CYP2S1: variants seen among roughly 807,000 people sequenced by gnomAD.
CYP2S1 encodes cytochrome P450 family 2 subfamily S member 1.
CYP2S1 carries 32 observed loss-of-function variants against 43.5 expected under a neutral mutation model. The observed-to-expected ratio is 0.74, with a 90% CI of 0.56 to 0.99. The LOEUF (loss-of-function observed/expected upper bound fraction) is 0.99. CYP2S1 is among the 50% of genes least tolerant of loss of function. The probability of loss-of-function intolerance (pLI) is 0.00; values close to 1 mark genes in which losing one functional copy is unlikely to be tolerated. For missense variants in CYP2S1, 575 were observed against 673.9 expected (o/e 0.85, Z 1.62); for synonymous variants, 283 against 302.9 (o/e 0.93, Z 0.68).
In CYP2S1 at chr19:41,203,432, CCCT is replaced by C. The variant is rs754785713; in HGVS notation, c.977-13_977-11del. ...GGGCCCTACCCCCGTCTGACTCCTG[CCCT>C]CCTCTTGCTTGCAGAGTGGGTACGT... On this transcript the variant is annotated splice_polypyrimidine_tract_variant and intron_variant, in intron 6 of 8. Coordinates refer to ENST00000310054, the MANE Select transcript of CYP2S1 (RefSeq NM_030622.8). 9.5e-6 allele frequency: 15 copies of C among 1,579,028 alleles called. No individual in the cohort carries two copies. The highest frequency in any genetic ancestry group is 2.7e-5 in the African/African-American group (2 of 73,630).
At chr19:41,205,879 G>A (rs556524627) in intron 7 of CYP2S1, 79 bp from the exon 8 acceptor site, 43 of 1,542,460 alleles carry the variant, frequency 2.8e-5, no homozygotes, top group African/African-American at 4.1e-5. Flanking sequence ...CCTGGCACCC[G>A]AGACTTGTAC....
intron 7 of CYP2S1, among the ~76,000 whole-genome samples, chr19:41,205,678 T>C (rs910529587): frequency 6.6e-6 from 1 of 151,966 alleles, no homozygotes; most frequent in Non-Finnish European, 1.5e-5. Context: ...CATACCACCA[T>C]GCCTGGCTAA....
rs2033590178 is a variant in CYP2S1, at chr19:41,206,988, A to G, written c.*500A>G. The G allele has an allele frequency of 5.6e-6, 2 of 358,554 alleles. No homozygotes were observed. The highest frequency in any genetic ancestry group is 4.2e-5 in the South Asian group (2 of 48,186). 22.2% of individuals were successfully genotyped at this position (358,554 alleles called of 1,614,324 possible). A position where few individuals can be genotyped will look rare whatever the true frequency, so the allele number is the denominator to read the frequency against. On this transcript the variant is annotated 3_prime_UTR_variant, in exon 9 of 9. Transcript: ENST00000310054. ...GAGACTGTCGCTGTCTATGGCCCCA[A>G]CTCATGCTCCCTCTCTTGGCTACAC...
rs766003336 is a variant in CYP2S1, at chr19:41,201,314, G to A, written c.918G>A (p.Thr306=). The A allele has an allele frequency of 9.9e-6, 16 of 1,613,996 alleles. No homozygotes were observed. Among genetic ancestry groups the A allele is most frequent in the East Asian group, 6.7e-5 (3 of 44,894 alleles). Residue 306 remains threonine (T), a synonymous_variant, in exon 6 of 9, where the codon ACG becomes ACA. Coordinates refer to ENST00000310054, the MANE Select transcript of CYP2S1 (RefSeq NM_030622.8). The part of the protein sequence containing the change: ...VIYLLFAGTM[T]VSTTVGYTLL... ...ATTTGCTGTTTGCTGGGACGATGACGGTCAGCACCACGGTCGGCTATACCC... is the reference window on the plus strand; with the variant it reads ...ATTTGCTGTTTGCTGGGACGATGACAGTCAGCACCACGGTCGGCTATACCC...
chr19:41,204,859 G>A (rs1176446581), intron 7 of CYP2S1, among the ~76,000 whole-genome samples: 2 of 152,052 alleles, frequency 1.3e-5, no homozygotes, highest in African/African-American at 2.4e-5. Context: ...GCCTCCTAAA[G>A]TGCTGGGATT....
intron 7 of CYP2S1, among the ~76,000 whole-genome samples, 169 bp downstream of exon 7, chr19:41,203,806 AC>A (rs1332632827): frequency 7.6e-6 from 1 of 131,828 alleles, no homozygotes. Flanking sequence ...CTCCACTCCT[AC>A]CCCCCTGCAT....
At position 41,198,318 on chromosome 19, in the gene CYP2S1, C is replaced by T; in HGVS notation, c.494-144C>T. On this transcript the variant is annotated intron_variant, in intron 3 of 8. Coordinates refer to ENST00000310054, the MANE Select transcript of CYP2S1 (RefSeq NM_030622.8). The surrounding 1 kb of genome is among the most constrained non-coding windows in gnomAD (Gnocchi z 4.9). ...TTCTCTGTCCCTATCTGTCTGTATC[C>T]TTCTTTGCCTGTTTAGCTCTCTCCC... is the stretch of plus-strand genomic sequence containing the variant. 3.8e-6 allele frequency: 4 copies of T among 1,047,546 alleles called. No individual in the cohort carries two copies. The highest frequency in any genetic ancestry group is 5.6e-6 in the Non-Finnish European group (4 of 717,914). 64.9% of individuals were successfully genotyped at this position (1,047,546 alleles called of 1,614,324 possible).
At position 41,206,700 on chromosome 19, in the gene CYP2S1, G is replaced by A; in HGVS notation, c.*212G>A. On this transcript the variant is annotated 3_prime_UTR_variant, in exon 9 of 9. Transcript: ENST00000310054. The stretch of plus-strand genomic sequence containing the variant: ...CGCACACCCATACACAACTACAAGG[G>A]CCACAAAGCAACTGCTGGGTTAGCT... The A allele has an allele frequency of 1.3e-6, 1 of 774,210 alleles. No individual in the cohort carries two copies. Among genetic ancestry groups the A allele is most frequent in the Non-Finnish European group, 2.3e-6 (1 of 428,148 alleles). 48.0% of individuals were successfully genotyped at this position (774,210 alleles called of 1,614,324 possible).
intron 1 of CYP2S1, 63 bp from the exon 2 acceptor site, chr19:41,194,481 G>C (rs1037477404): frequency 6.7e-7 from 1 of 1,488,294 alleles, no homozygotes; most frequent in Admixed American, 2.5e-5. Flanking sequence ...CAGGGGCCAT[G>C]ATGGAGACAC....
Position 41,205,935 on chromosome 19 carries a change from G to C in CYP2S1, c.1165-23G>C, listed in dbSNP as rs199610770. ...GGACTGGGGTGGGAAGGGGTTTATA[G>C]TTTCATTATTATTTCCCCTCAGGGC... is the stretch of plus-strand genomic sequence containing the variant. On this transcript the variant is annotated intron_variant, in intron 7 of 8. Transcript: ENST00000310054. The C allele has an allele frequency of 2.4e-5, 38 of 1,611,444 alleles. No homozygotes were observed. The East Asian group carries it at 7.8e-4, about 33-fold the overall frequency.
chr19:41,197,952 G>A (rs763907622), intron 3 of CYP2S1, 24 bp downstream of exon 3: 7 of 1,596,502 alleles, frequency 4.4e-6, no homozygotes, highest in Non-Finnish European at 6.0e-6. Context: ...GGTCACCCCA[G>A]GGTCTCCAGC....
chr19:41,194,890 T>C (rs1224320621), intron 2 of CYP2S1, among the ~76,000 whole-genome samples, 181 bp downstream of exon 2: 1 of 151,810 alleles, frequency 6.6e-6, no homozygotes. Flanking sequence ...CGGAGGTGGG[T>C]GGATCACTTG....
At chr19:41,202,059 C>T (rs930379390) in intron 6 of CYP2S1, among the ~76,000 whole-genome samples, 1 of 151,904 alleles carries the variant, frequency 6.6e-6, no homozygotes, top group African/African-American at 2.4e-5. Flanking sequence ...CGATCTCGGC[C>T]CACTGCAACC....
chr19:41,205,379 T>TC (rs2033555821), intron 7 of CYP2S1, among the ~76,000 whole-genome samples: 1 of 114,124 alleles, frequency 8.8e-6, no homozygotes, highest in Non-Finnish European at 1.6e-5. Flanking sequence ...TCTTTCTTTC[T>TC]TTCTCTCTCT....
Position 41,193,384 on chromosome 19 carries a change from A to G in CYP2S1, c.120A>G (p.Pro40=), listed in dbSNP as rs1393763990. ...GHLPPGPTPL[P]LLGNLLQLRP... Reference sequence around the variant, plus strand: ...TGCCCCCCGGGCCCACGCCGCTACCACTGCTGGGAAACCTCCTGCAGCTAC... The same window carrying G: ...TGCCCCCCGGGCCCACGCCGCTACCGCTGCTGGGAAACCTCCTGCAGCTAC... The change falls in exon 1 of 9, where the codon CCA becomes CCG. Residue 40 remains proline (P), a synonymous_variant. Coordinates refer to ENST00000310054, the MANE Select transcript of CYP2S1 (RefSeq NM_030622.8). 7 of 1,529,372 alleles carry G rather than the reference A, an allele frequency of 4.6e-6. No homozygotes were observed. Among genetic ancestry groups the G allele is most frequent in the Non-Finnish European group, 5.3e-6 (6 of 1,136,778 alleles). 94.7% of individuals were successfully genotyped at this position (1,529,372 alleles called of 1,614,324 possible). A position where few individuals can be genotyped will look rare whatever the true frequency, so the allele number is the denominator to read the frequency against.
At position 41,194,611 on chromosome 19, in the gene CYP2S1, TTGGGCAGGAGGC is replaced by T; in HGVS notation, c.248_259del (p.Gly83_Ala86del). The stretch of plus-strand genomic sequence containing the variant: ...CCCTGGCGGCCTGTGGTGGTCCTGG[TTGGGCAGGAGGC>T]TGTGCGGGAGGCCCTGGGAGGTCAG... On this transcript the variant is annotated inframe_deletion, in exon 2 of 9. Coordinates refer to ENST00000310054, the MANE Select transcript of CYP2S1 (RefSeq NM_030622.8). 6.2e-7 allele frequency: 1 copy of T among 1,612,046 alleles called. No homozygotes were observed. The highest frequency in any genetic ancestry group is 8.5e-7 in the Non-Finnish European group (1 of 1,179,162).
At chr19:41,194,517 C>T in intron 1 of CYP2S1, 27 bp from the exon 2 acceptor site, 6 of 1,552,464 alleles carry the variant, frequency 3.9e-6, no homozygotes, top group Admixed American at 2.2e-5. Flanking sequence ...TCACAGCACC[C>T]TCCTCTTTCT....
chr19:41,205,046 G>C (rs1216998478), intron 7 of CYP2S1, among the ~76,000 whole-genome samples: 1 of 152,058 alleles, frequency 6.6e-6, no homozygotes, highest in Non-Finnish European at 1.5e-5. Context: ...CAACTCTTGG[G>C]AACCGGTCCT....
In CYP2S1 at chr19:41,198,518, T is replaced by G; in HGVS notation, c.550T>G (p.Ser184Ala). 6.2e-7 allele frequency: 1 copy of G among 1,614,060 alleles called. No homozygotes were observed. Among genetic ancestry groups the G allele is most frequent in the East Asian group, 2.2e-5 (1 of 44,870 alleles). ...LAQATSNVVCSLLFGLRFSYE... is the reference protein window; with the variant it reads ...LAQATSNVVCALLFGLRFSYE... ...CCAGGCCACCTCCAACGTAGTCTGCTCCCTCCTCTTTGGCCTCCGCTTCTC... is the reference window on the plus strand; with the variant it reads ...CCAGGCCACCTCCAACGTAGTCTGCGCCCTCCTCTTTGGCCTCCGCTTCTC... Residue 184 changes from serine (S) to alanine (A), a missense_variant, in exon 4 of 9, where the codon TCC becomes GCC. Physicochemically the swap from Ser to Ala is moderately conservative, Grantham distance 99. Coordinates refer to ENST00000310054, the MANE Select transcript of CYP2S1 (RefSeq NM_030622.8). The surrounding 1 kb of genome is among the most constrained non-coding windows in gnomAD (Gnocchi z 4.9).
Sources: gnomAD v4.1 joint callset for allele counts (sites outside exome capture counted in the v4.1 genomes callset) on GRCh38, gnomAD v4.1.1 for gene constraint, Gnocchi (gnomAD v3.1) non-coding constraint, MANE v1.5 for transcripts, NCBI Gene and HGNC (gene_info 2026-07-23, HGNC 2026-07-21) for gene names.